The following ST7 variants were observed in gnomAD, a reference collection of about 807,000 sequenced individuals.
The protein encoded by ST7 is suppression of tumorigenicity 7.
ST7 carries 28 observed loss-of-function variants against 78.7 expected under a neutral mutation model. The observed-to-expected ratio is 0.36, with a 90% CI of 0.26 to 0.49. The LOEUF is 0.49. Ranked by LOEUF, ST7 falls within the 20% of genes least tolerant of loss-of-function variation. ST7 has a pLI of 0.99. For synonymous variants in ST7, 247 were observed against 249.6 expected, an observed-to-expected ratio of 0.99 and a Z score of 0.10; for missense variants, 418 against 696.0, an observed-to-expected ratio of 0.60 and a Z score of 4.49.
At chr7:117,201,928 T>C (rs2115903266) in intron 12 of ST7, among the ~76,000 whole-genome samples, 1 of 152,198 alleles carries the variant, frequency 6.6e-6, no homozygotes, top group South Asian at 2.1e-4. Flanking sequence ...GGGAGCTCTA[T>C]TCACTGCCCT....
At chr7:117,152,464 T>C (rs1474705760) in intron 9 of ST7, among the ~76,000 whole-genome samples, 1 of 151,996 alleles carries the variant, frequency 6.6e-6, no homozygotes, top group African/African-American at 2.4e-5. Flanking sequence ...TCCTCTGCTG[T>C]GGCTTAATCA....
chr7:117,071,744 A>C (rs757410561), intron 1 of ST7, among the ~76,000 whole-genome samples: 5 of 152,240 alleles, frequency 3.3e-5, no homozygotes, highest in Admixed American at 6.5e-5. Flanking sequence ...ATCACTGAGG[A>C]AGCTGCATGA....
intron 1 of ST7, among the ~76,000 whole-genome samples, chr7:117,095,026 C>T (rs1186570930): frequency 6.6e-6 from 1 of 152,164 alleles, no homozygotes; most frequent in Non-Finnish European, 1.5e-5. Flanking sequence ...GCTGCTTATT[C>T]CATTATATCT....
At chr7:117,064,304 A>T (rs1015535851) in intron 1 of ST7, among the ~76,000 whole-genome samples, 4 of 152,242 alleles carry the variant, frequency 2.6e-5, no homozygotes, top group Non-Finnish European at 5.9e-5. Context: ...TGTAATTATT[A>T]TGAAAAGTCA....
At chr7:117,110,430 C>T (rs1180784748) in intron 2 of ST7, among the ~76,000 whole-genome samples, 1 of 152,218 alleles carries the variant, frequency 6.6e-6, no homozygotes, top group Non-Finnish European at 1.5e-5. Flanking sequence ...CTCTTCCCCA[C>T]CGTACAACAG....
chr7:117,180,142 C>T (rs532640762), intron 10 of ST7, among the ~76,000 whole-genome samples: 1 of 152,302 alleles, frequency 6.6e-6, no homozygotes, highest in Admixed American at 6.5e-5. Flanking sequence ...AATCTCTTAA[C>T]TACAAGAAAC....
chr7:117,171,085 T>G (rs193563), intron 10 of ST7, 109 bp downstream of exon 10: 3 of 544,646 alleles, frequency 5.5e-6, no homozygotes, highest in Non-Finnish European at 9.1e-6. Context: ...GTAGCCATAC[T>G]CTTATAGAAT....
At chr7:117,171,129 G>T (rs564949187) in intron 10 of ST7, among the ~76,000 whole-genome samples, 153 bp downstream of exon 10, 21 of 152,278 alleles carry the variant, frequency 1.4e-4, no homozygotes, top group African/African-American at 5.1e-4. Context: ...TGTTTGGTAT[G>T]ATCTTAGAAT....
At chr7:117,176,920 C>T (rs1335952703) in intron 10 of ST7, among the ~76,000 whole-genome samples, 1 of 152,168 alleles carries the variant, frequency 6.6e-6, no homozygotes, top group Non-Finnish European at 1.5e-5. Context: ...AGACTATAAA[C>T]CTAGTCCGGC....
chr7:117,214,958 A>G lies in ST7; in HGVS notation c.1406-4126A>G, dbSNP rs537123735. On this transcript the variant is annotated intron_variant, in intron 13 of 15. Coordinates refer to ENST00000323984, the MANE Select transcript of ST7 (RefSeq NM_001369598.1). ...TGTGTGTGTGTGTGTGTGTGTGTAC[A>G]GTGTATATAAGCAAAAAATACACAC... 2.4e-3 allele frequency among the ~76,000 whole-genome samples: 341 copies of G among 145,030 alleles called. 1 individual carries two copies. Among genetic ancestry groups the G allele is most frequent in the African/African-American group, 7.9e-3 (314 of 39,586 alleles).
At chr7:117,125,924 A>G (rs1446044282) in intron 3 of ST7, among the ~76,000 whole-genome samples, 1 of 152,022 alleles carries the variant, frequency 6.6e-6, no homozygotes, top group Non-Finnish European at 1.5e-5. Context: ...GGCAGTCTGG[A>G]CACCAGGCCT....
chr7:117,170,785 T>C lies in ST7; in HGVS notation c.964-77T>C, dbSNP rs1395431889. On this transcript the variant is annotated intron_variant, in intron 9 of 15. Transcript: ENST00000323984. The stretch of plus-strand genomic sequence containing the variant: ...CAAACCGTGATATATACAATAAATA[T>C]ATATAATAAAATATGTACAATAAAA... 5 of 532,352 alleles carry C rather than the reference T, an allele frequency of 9.4e-6. No homozygotes were observed. In the East Asian group the frequency reaches 1.6e-4, roughly 17 times the overall value. The allele number at this position is 532,352 out of a possible 1,614,324, so 33.0% of individuals were successfully genotyped here.
chr7:117,075,662 A>G (rs1399630713), intron 1 of ST7, among the ~76,000 whole-genome samples: 1 of 152,182 alleles, frequency 6.6e-6, no homozygotes, highest in Non-Finnish European at 1.5e-5. Flanking sequence ...GGAGAAGAAC[A>G]TACATCCTGT....
At chr7:117,018,505 A>G (rs140847492) in intron 1 of ST7, among the ~76,000 whole-genome samples, 412 of 148,568 alleles carry the variant, frequency 2.8e-3, no homozygotes, top group Non-Finnish European at 4.5e-3. Flanking sequence ...TCATGTTTTG[A>G]GTTGGTTTCT....
intron 9 of ST7, among the ~76,000 whole-genome samples, chr7:117,159,623 C>A (rs1022631871): frequency 6.6e-6 from 1 of 152,110 alleles, no homozygotes; most frequent in Non-Finnish European, 1.5e-5. Context: ...GGACTGTGGT[C>A]TTTTTGTAAT....
At position 117,061,706 on chromosome 7, in the gene ST7, T is replaced by C. The variant is rs3758629; in HGVS notation, c.152-38056T>C. 5.1e-3 allele frequency among the ~76,000 whole-genome samples: 776 copies of C among 152,188 alleles called. 32 individuals carry two copies. In the East Asian group the frequency reaches 0.1, roughly 21 times the overall value. ...CATAGCAAAGATGGAGGATTATATA[T>C]ATATAAGGGTAATAGAGAGGGACAC... On this transcript the variant is annotated intron_variant, in intron 1 of 15. Transcript: ENST00000323984.
At chr7:117,210,039 G>A in intron 13 of ST7, 102 bp downstream of exon 13, 1 of 1,355,786 alleles carries the variant, frequency 7.4e-7, no homozygotes, top group East Asian at 2.4e-5. Flanking sequence ...CATATGTACT[G>A]CTCTTGTGTT....
intron 12 of ST7, 45 bp from the exon 13 acceptor site, chr7:117,209,742 A>G (rs1792133641): frequency 6.3e-7 from 1 of 1,586,486 alleles, no homozygotes; most frequent in Non-Finnish European, 8.6e-7. Flanking sequence ...TGAATTCTAA[A>G]TTACTTAGGT....
At chr7:117,081,693 T>C (rs1212086546) in intron 1 of ST7, among the ~76,000 whole-genome samples, 2 of 152,218 alleles carry the variant, frequency 1.3e-5, no homozygotes, top group Non-Finnish European at 2.9e-5. Flanking sequence ...GATATAATAG[T>C]GACTGTACAG....
Sources: allele counts gnomAD v4.1 joint callset (sites outside exome capture counted in the v4.1 genomes callset), GRCh38; gene constraint gnomAD v4.1.1; transcripts MANE v1.5; gene names NCBI Gene and HGNC (gene_info 2026-07-23, HGNC 2026-07-21).